PCSK9: variants seen among roughly 807,000 people sequenced by gnomAD.
PCSK9 encodes the protein proprotein convertase subtilisin/kexin type 9, also known as convertase subtilisin/kexin type 9 preproprotein.
A neutral mutation model predicts 62.1 loss-of-function variants in PCSK9; 57 were observed. The observed-to-expected ratio is 0.92, with a 90% CI of 0.74 to 1.14. The LOEUF (loss-of-function observed/expected upper bound fraction) is 1.14, where lower values mean the gene tolerates loss of function less well. Among genes scored for constraint, PCSK9 ranks in the 50% most tolerant of loss-of-function variants. PCSK9 has a pLI of 0.00. For missense variants in PCSK9, 870 were observed against 959.8 expected (o/e 0.91, Z 1.24); for synonymous variants, 387 against 409.4 (o/e 0.95, Z 0.66).
At position 55,063,356 on chromosome 1, in the gene PCSK9, C is replaced by G. The variant is rs147470944; in HGVS notation, c.1864-13C>G. Reference sequence around the variant, plus strand: ...CGCTAGACATGTGCTTTCTTTTCCTCGGGCTCTGGCAGGTGACCGTGGCCT... The same window carrying G: ...CGCTAGACATGTGCTTTCTTTTCCTGGGGCTCTGGCAGGTGACCGTGGCCT... On this transcript the variant is annotated splice_polypyrimidine_tract_variant and intron_variant, in intron 11 of 11. Transcript: ENST00000302118. 6.2e-7 allele frequency: 1 copy of G among 1,612,406 alleles called. No homozygotes were observed. The highest frequency in any genetic ancestry group is 1.7e-4 in the Middle Eastern group (1 of 5,982).
At position 55,046,560 on chromosome 1, in the gene PCSK9, ACTC is replaced by A. The variant is rs761549008; in HGVS notation, c.441_443del (p.Ser148del). ...CCCCATGTCGACTACATCGAGGAGG[ACTC>A]CTCTGTCTTTGCCCAGAGCATCCCG... is the stretch of plus-strand genomic sequence containing the variant. On this transcript the variant is annotated inframe_deletion, in exon 3 of 12. Coordinates refer to ENST00000302118, the MANE Select transcript of PCSK9 (RefSeq NM_174936.4). The A allele has an allele frequency of 1.2e-6, 2 of 1,613,440 alleles. No individual in the cohort carries two copies. Among genetic ancestry groups the A allele is most frequent in the Non-Finnish European group, 1.7e-6 (2 of 1,179,828 alleles).
chr1:55,050,782 G>A (rs1255990716), intron 3 of PCSK9, among the ~76,000 whole-genome samples: 1 of 152,176 alleles, frequency 6.6e-6, no homozygotes, highest in Non-Finnish European at 1.5e-5. Flanking sequence ...GCTCTGTAGG[G>A]GGCTAAATAG....
At position 55,040,036 on chromosome 1, in the gene PCSK9, T is replaced by C. The variant is rs376619733; in HGVS notation, c.199T>C (p.Cys67Arg). 1.3e-6 allele frequency: 2 copies of C among 1,564,182 alleles called. No individual in the cohort carries two copies. Among genetic ancestry groups the C allele is most frequent in the Non-Finnish European group, 8.7e-7 (1 of 1,155,062 alleles). Residue 67 changes from cysteine to arginine, a missense_variant, in exon 1 of 12, where the codon TGC becomes CGC. Coordinates refer to ENST00000302118, the MANE Select transcript of PCSK9 (RefSeq NM_174936.4). This position sits in a 1 kb window ranked among gnomAD's most constrained non-coding sequence, Gnocchi z 4.1. The stretch of plus-strand genomic sequence containing the variant: ...CGGAACCACAGCCACCTTCCACCGC[T>C]GCGCCAAGGTGCGGGTGTAGGGATG... ...EHGTTATFHR[C>R]AKDPWRLPGT...
At chr1:55,048,599 A>G (rs571953969) in intron 3 of PCSK9, among the ~76,000 whole-genome samples, 4 of 152,200 alleles carry the variant, frequency 2.6e-5, no homozygotes, top group African/African-American at 9.6e-5. Flanking sequence ...GTCCTCCTGG[A>G]GCTGTTGGGC....
intron 3 of PCSK9, among the ~76,000 whole-genome samples, chr1:55,049,492 C>T (rs967116858): frequency 6.6e-6 from 1 of 152,228 alleles, no homozygotes; most frequent in African/African-American, 2.4e-5. Context: ...CACTCCAAGG[C>T]CTCTTTGCCC....
intron 10 of PCSK9, 88 bp from the exon 11 acceptor site, chr1:55,061,287 C>T: frequency 1.4e-6 from 2 of 1,418,618 alleles, no homozygotes; most frequent in African/African-American, 2.8e-5. Context: ...TTGCCTCAGA[C>T]CTTAAAGAGA....
intron 3 of PCSK9, among the ~76,000 whole-genome samples, chr1:55,047,114 G>A (rs1400092575): frequency 6.6e-6 from 1 of 152,136 alleles, no homozygotes; most frequent in Non-Finnish European, 1.5e-5. Context: ...TGGCTTCCTG[G>A]GGCTCCCTGC....
At position 55,063,356 on chromosome 1, in the gene PCSK9, C is replaced by T. The variant is rs147470944; in HGVS notation, c.1864-13C>T. On this transcript the variant is annotated splice_polypyrimidine_tract_variant and intron_variant, in intron 11 of 11. Coordinates refer to ENST00000302118, the MANE Select transcript of PCSK9 (RefSeq NM_174936.4). Reference sequence around the variant, plus strand: ...CGCTAGACATGTGCTTTCTTTTCCTCGGGCTCTGGCAGGTGACCGTGGCCT... The same window carrying T: ...CGCTAGACATGTGCTTTCTTTTCCTTGGGCTCTGGCAGGTGACCGTGGCCT... 826 of 1,612,406 alleles carry T rather than the reference C, an allele frequency of 5.1e-4. 6 individuals carry two copies. In the East Asian group the frequency reaches 0.015, roughly 30 times the overall value.
chr1:55,058,453 C>G (rs1472654798), intron 8 of PCSK9, 46 bp from the exon 9 acceptor site: 1 of 1,612,002 alleles, frequency 6.2e-7, no homozygotes, highest in African/African-American at 1.3e-5. Flanking sequence ...CTGTGGAGGT[C>G]CCCTCACTCC....
intron 3 of PCSK9, chr1:55,051,543 C>T (rs1247580185): frequency 3.3e-6 from 1 of 300,376 alleles, no homozygotes; most frequent in East Asian, 1.1e-4. Context: ...TCCCTACTTT[C>T]TCCTATACCC....
chr1:55,060,834 C>T (rs1192216830), intron 10 of PCSK9, among the ~76,000 whole-genome samples: 1 of 152,196 alleles, frequency 6.6e-6, no homozygotes, highest in Admixed American at 6.5e-5. Context: ...GCTGGGGCTT[C>T]GCACGTGTCA....
chr1:55,063,433 A>G lies in PCSK9; in HGVS notation c.1928A>G (p.His643Arg). The change falls in exon 12 of 12, where the codon CAC becomes CGC. Residue 643 changes from histidine (H) to arginine (R), a missense_variant. His to Arg is a conservative substitution (Grantham distance 29). Transcript: ENST00000302118. ...TGCAGTGCCCTCCCTGGGACCTCCC[A>G]CGTCCTGGGGGCCTACGCCGTAGAC... The part of the protein sequence containing the change: ...TGCSALPGTS[H>R]VLGAYAVDNT... The G allele has an allele frequency of 6.2e-7, 1 of 1,614,016 alleles. No homozygotes were observed. The highest frequency in any genetic ancestry group is 8.5e-7 in the Non-Finnish European group (1 of 1,179,986).
In PCSK9 at chr1:55,063,360, C is replaced by T; in HGVS notation, c.1864-9C>T. ...AGACATGTGCTTTCTTTTCCTCGGG[C>T]TCTGGCAGGTGACCGTGGCCTGCGA... On this transcript the variant is annotated splice_polypyrimidine_tract_variant and intron_variant, in intron 11 of 11. Coordinates refer to ENST00000302118, the MANE Select transcript of PCSK9 (RefSeq NM_174936.4). 1 of 1,613,066 alleles carries T rather than the reference C, an allele frequency of 6.2e-7. No individual in the cohort carries two copies. The highest frequency in any genetic ancestry group is 8.5e-7 in the Non-Finnish European group (1 of 1,179,558).
chr1:55,057,379 G>C lies in PCSK9; in HGVS notation c.1045G>C (p.Gly349Arg). The change falls in exon 7 of 12, where the codon GGG becomes CGG. Residue 349 changes from glycine (G) to arginine (R), a missense_variant. Gly to Arg is a moderately radical substitution (Grantham distance 125). Transcript: ENST00000302118. ...TGCCCAAGACCAGCCGGTGACCCTG[G>C]GGACTTTGGGGACCAACTTTGGCCG... is the stretch of plus-strand genomic sequence containing the variant. ...TNAQDQPVTL[G>R]TLGTNFGRCV... 6.2e-7 allele frequency: 1 copy of C among 1,614,090 alleles called. No individual in the cohort carries two copies. The highest frequency in any genetic ancestry group is 1.1e-5 in the South Asian group (1 of 91,084).
chr1:55,040,512 C>A lies in PCSK9; in HGVS notation c.207+468C>A, dbSNP rs1241376830. Among the ~76,000 whole-genome samples, 1 of 151,828 alleles carries A rather than the reference C, an allele frequency of 6.6e-6. No homozygotes were observed. Among genetic ancestry groups the A allele is most frequent in the Non-Finnish European group, 1.5e-5 (1 of 67,954 alleles). ...GATTTGGTTTGGAAAACATGGGCAG[C>A]GGAGGGTGGAGGGCCTGGAGAGAAG... On this transcript the variant is annotated intron_variant, in intron 1 of 11. Coordinates refer to ENST00000302118, the MANE Select transcript of PCSK9 (RefSeq NM_174936.4). This position sits in a 1 kb window ranked among gnomAD's most constrained non-coding sequence, Gnocchi z 4.1.
At chr1:55,057,674 C>T (rs376059328) in intron 7 of PCSK9, among the ~76,000 whole-genome samples, 160 bp downstream of exon 7, 8 of 152,066 alleles carry the variant, frequency 5.3e-5, no homozygotes, top group Non-Finnish European at 8.8e-5. Context: ...ATGAGGGAGG[C>T]GAGTGCACAG....
At position 55,058,083 on chromosome 1, in the gene PCSK9, G is replaced by T. The variant is rs746085210; in HGVS notation, c.1228G>T (p.Glu410Ter). 6.2e-7 allele frequency: 1 copy of T among 1,613,778 alleles called. No homozygotes were observed. The highest frequency in any genetic ancestry group is 1.1e-5 in the South Asian group (1 of 91,082). ...TGCCGAGCCGGAGCTCACCCTGGCC[G>T]AGTTGAGGCAGAGACTGATCCACTT... ...LSAEPELTLAELRQRLIHFSA... is the reference protein window; with the variant it reads ...LSAEPELTLA The change falls in exon 8 of 12, where the codon GAG becomes TAG. Residue 410 changes from glutamate (E) to a stop codon, truncating the protein, a stop_gained. Transcript: ENST00000302118. LOFTEE classifies it high-confidence loss of function.
chr1:55,050,793 T>C (rs1644667471), intron 3 of PCSK9: 1 of 270,156 alleles, frequency 3.7e-6, no homozygotes, highest in Non-Finnish European at 7.2e-6. Flanking sequence ...GGCTAAATAG[T>C]GGCCCCCACA....
chr1:55,057,514 G>A lies in PCSK9; in HGVS notation c.1180G>A (p.Gly394Ser), dbSNP rs368257906. 1.2e-4 allele frequency: 194 copies of A among 1,609,330 alleles called. No homozygotes were observed. The highest frequency in any genetic ancestry group is 1.1e-3 in the Middle Eastern group (6 of 5,470). The part of the protein sequence containing the change: ...GTSQAAAHVA[G>S]IAAMMLSAEP... ...ATCACAGGCTGCTGCCCACGTGGCT[G>A]GTAAGTCACCACCCCACTGCCTCGG... is the stretch of plus-strand genomic sequence containing the variant. Residue 394 changes from glycine (G) to serine (S), a missense_variant and splice_region_variant, in exon 7 of 12, where the codon GGC (glycine) becomes AGC (serine). Coordinates refer to ENST00000302118, the MANE Select transcript of PCSK9 (RefSeq NM_174936.4).
Sources: allele counts gnomAD v4.1 joint callset (sites outside exome capture counted in the v4.1 genomes callset), GRCh38; gene constraint gnomAD v4.1.1; non-coding constraint Gnocchi (gnomAD v3.1); transcripts MANE v1.5; gene names NCBI Gene and HGNC (gene_info 2026-07-23, HGNC 2026-07-21).